Variants in SOX6 observed in about 807,000 individuals in gnomAD.
The protein encoded by SOX6 is transcription factor SOX-6.
In SOX6, 11 loss-of-function variants were observed where a neutral mutation model predicts 97.8. The observed-to-expected ratio is 0.11, with a 90% CI of 0.07 to 0.19. The LOEUF is 0.19. Among genes scored for constraint, SOX6 ranks in the 10% least tolerant of loss-of-function variants. SOX6 has a pLI of 1.00. For missense variants in SOX6, 810 were observed against 1,039.5 expected, an observed-to-expected ratio of 0.78 and a Z score of 3.04; for synonymous variants, 360 against 371.4, an observed-to-expected ratio of 0.97 and a Z score of 0.35.
intron 1 of SOX6, among the ~76,000 whole-genome samples, chr11:16,430,607 T>C (rs1408731951): frequency 6.6e-6 from 1 of 152,072 alleles, no homozygotes; most frequent in Non-Finnish European, 1.5e-5. Context: ...GAGTGAGAAA[T>C]TGGCTATCTG....
At chr11:16,324,912 G>A (rs1856030888) in intron 2 of SOX6, among the ~76,000 whole-genome samples, 2 of 152,072 alleles carry the variant, frequency 1.3e-5, no homozygotes, top group Non-Finnish European at 2.9e-5. Flanking sequence ...AGGCTAGGAA[G>A]GCTAGTGGTG....
intron 1 of SOX6, among the ~76,000 whole-genome samples, chr11:16,458,217 T>C (rs933263634): frequency 1.3e-5 from 2 of 151,982 alleles, no homozygotes; most frequent in African/African-American, 4.8e-5. Context: ...ACACTCAGTT[T>C]TTCTTTTATG....
intron 1 of SOX6, among the ~76,000 whole-genome samples, chr11:16,345,321 T>A (rs1243364459): frequency 6.6e-6 from 1 of 151,964 alleles, no homozygotes; most frequent in African/African-American, 2.4e-5. Flanking sequence ...GAATTATATA[T>A]CTTTGGGACA....
chr11:16,478,313 A>C (rs1038204714), upstream of SOX6, among the ~76,000 whole-genome samples: 4 of 152,232 alleles, frequency 2.6e-5, no homozygotes, highest in Non-Finnish European at 4.4e-5. Context: ...TCACTTCCAC[A>C]TAAAGAATGG....
chr11:15,966,996 A>G lies in SOX6; in HGVS notation c.*5813T>C, dbSNP rs766406695. On this transcript the variant is annotated 3_prime_UTR_variant, in exon 16 of 16. Coordinates refer to ENST00000683767, the MANE Select transcript of SOX6 (RefSeq NM_001367873.1). ...AAGAGGAGAGTGTGAGAAAGATGTGATGGCAACCCTTAAGGTCATTTAAAA... is the reference window on the plus strand; with the variant it reads ...AAGAGGAGAGTGTGAGAAAGATGTGGTGGCAACCCTTAAGGTCATTTAAAA... 15 of 152,188 alleles carry G rather than the reference A, an allele frequency of 9.9e-5. No individual in the cohort carries two copies. Among genetic ancestry groups the G allele is most frequent in the Non-Finnish European group, 2.2e-4 (15 of 68,046 alleles). 9.4% of individuals were successfully genotyped at this position (152,188 alleles called of 1,614,324 possible).
At chr11:16,559,217 C>A (rs182180554) in intron 4 of SOX6, among the ~76,000 whole-genome samples, 23 of 152,156 alleles carry the variant, frequency 1.5e-4, no homozygotes, top group Admixed American at 1.5e-3. Context: ...AATACCTTTT[C>A]ACTAGTATCA....
rs151113336 is a variant in SOX6, at chr11:16,486,077, A to G, written n.610-9689T>C. On this transcript the variant is annotated intron_variant and non_coding_transcript_variant, in intron 4 of 5. Transcript: ENST00000524520. ...CAAAGGCAGCTTATCATTATGAACC[A>G]AGATCAAAATATAGACCACAAACTT... is the stretch of plus-strand genomic sequence containing the variant. Among the ~76,000 whole-genome samples, 268 of 151,288 alleles carry G rather than the reference A, an allele frequency of 1.8e-3. 1 individual carries two copies. Among genetic ancestry groups the G allele is most frequent in the African/African-American group, 5.2e-3 (212 of 41,060 alleles).
intron 1 of SOX6, among the ~76,000 whole-genome samples, chr11:16,430,852 C>G (rs1449395010): frequency 6.6e-6 from 1 of 152,178 alleles, no homozygotes; most frequent in Non-Finnish European, 1.5e-5. Context: ...GACCATGTCA[C>G]TTTTCTGCTG....
intron 4 of SOX6, among the ~76,000 whole-genome samples, chr11:16,494,333 G>A (rs527844217): frequency 4.6e-5 from 7 of 152,060 alleles, no homozygotes; most frequent in African/African-American, 9.7e-5. Flanking sequence ...CTGAGATCCC[G>A]CCATTGCACT....
chr11:15,986,734 C>G (rs1177990927), intron 14 of SOX6, among the ~76,000 whole-genome samples: 1 of 152,184 alleles, frequency 6.6e-6, no homozygotes, highest in East Asian at 1.9e-4. Context: ...ACCCTCTCAA[C>G]AGGGATAAAA....
chr11:16,701,493 T>A (rs1848093006), intron 3 of SOX6, among the ~76,000 whole-genome samples: 2 of 152,080 alleles, frequency 1.3e-5, no homozygotes, highest in South Asian at 4.2e-4. Context: ...TGTTCATGGT[T>A]TAAATAGAAA....
At chr11:16,632,090 T>C (rs1391689965) in intron 3 of SOX6, among the ~76,000 whole-genome samples, 1 of 152,242 alleles carries the variant, frequency 6.6e-6, no homozygotes. Flanking sequence ...GTTTCCATTT[T>C]GGTTAGGGTC....
chr11:16,428,852 A>G (rs2352238), intron 1 of SOX6, among the ~76,000 whole-genome samples: 2,396 of 152,174 alleles, frequency 0.016, 55 homozygotes, highest in African/African-American at 0.055. Flanking sequence ...GTTTTTTCCA[A>G]TTCTATGAAG....
intron 4 of SOX6, among the ~76,000 whole-genome samples, chr11:16,571,639 G>A (rs1188219485): frequency 6.6e-6 from 1 of 151,588 alleles, no homozygotes; most frequent in Non-Finnish European, 1.5e-5. Flanking sequence ...TTTGTTTGGG[G>A]GGTTTTGTTA....
chr11:16,023,741 A>T (rs1331434083), intron 12 of SOX6, among the ~76,000 whole-genome samples: 1 of 152,208 alleles, frequency 6.6e-6, no homozygotes, highest in African/African-American at 2.4e-5. Context: ...ATCTCTTATG[A>T]AAGGGTAATA....
At chr11:16,528,021 C>G (rs1297859943) in intron 4 of SOX6, among the ~76,000 whole-genome samples, 1 of 152,084 alleles carries the variant, frequency 6.6e-6, no homozygotes, top group Non-Finnish European at 1.5e-5. Context: ...AGGTCAGCTT[C>G]TGTGTCTCTG....
At chr11:16,113,421 G>C (rs1294242091) in intron 6 of SOX6, among the ~76,000 whole-genome samples, 1 of 152,174 alleles carries the variant, frequency 6.6e-6, no homozygotes, top group Non-Finnish European at 1.5e-5. Context: ...GTACATTAGA[G>C]TACAAACTAA....
chr11:16,632,702 G>A (rs1848727845), intron 3 of SOX6, among the ~76,000 whole-genome samples: 1 of 152,228 alleles, frequency 6.6e-6, no homozygotes, highest in Non-Finnish European at 1.5e-5. Flanking sequence ...ATGGAGCAAA[G>A]CAACCTCCTC....
intron 13 of SOX6, among the ~76,000 whole-genome samples, chr11:16,003,567 C>A (rs962406607): frequency 6.6e-6 from 1 of 151,968 alleles, no homozygotes; most frequent in African/African-American, 2.4e-5. Flanking sequence ...AGCTGCTTAT[C>A]CTTATCCCCA....
Sources: allele counts gnomAD v4.1 joint callset (sites outside exome capture counted in the v4.1 genomes callset), GRCh38; gene constraint gnomAD v4.1.1; transcripts MANE v1.5; gene names NCBI Gene and HGNC (gene_info 2026-07-23, HGNC 2026-07-21).